BRD8: variants seen among roughly 807,000 people sequenced by gnomAD.
BRD8 encodes the protein bromodomain-containing protein 8.
Under a neutral mutation model 143.1 loss-of-function variants are expected in BRD8, and 67 were observed. The observed-to-expected ratio is 0.47, with a 90% confidence interval of 0.38 to 0.57. The LOEUF is 0.57. BRD8 is among the 20% of genes least tolerant of loss of function. The probability of loss-of-function intolerance (pLI) is 0.00; values close to 1 mark genes in which losing one functional copy is unlikely to be tolerated. For synonymous variants in BRD8, 505 were observed against 517.1 expected, an observed-to-expected ratio of 0.98 and a Z score of 0.32; for missense variants, 1,103 against 1,503.0, an observed-to-expected ratio of 0.73 and a Z score of 4.40.
intron 8 of BRD8, chr5:138,168,680 G>A (rs748967043): frequency 1.8e-5 from 29 of 1,570,326 alleles, no homozygotes; most frequent in Admixed American, 1.8e-4. Flanking sequence ...GCAAAGTCCC[G>A]GGGGTTACCT....
intron 25 of BRD8, 51 bp downstream of exon 25, chr5:138,145,126 A>G (rs1362225421): frequency 6.6e-7 from 1 of 1,520,472 alleles, no homozygotes; most frequent in Admixed American, 2.0e-5. Flanking sequence ...ATAAAAAATG[A>G]AAAGGCAGAT....
chr5:138,172,222 T>G (rs1000565412), intron 2 of BRD8, 88 bp from the exon 3 acceptor site: 17 of 1,143,620 alleles, frequency 1.5e-5, no homozygotes, highest in Non-Finnish European at 1.9e-5. Flanking sequence ...GTTCAAACTT[T>G]GGAATAAAAA....
chr5:138,164,210 G>A, intron 13 of BRD8, 77 bp from the exon 14 acceptor site: 1 of 1,580,856 alleles, frequency 6.3e-7, no homozygotes, highest in Non-Finnish European at 8.7e-7. Flanking sequence ...ATCCCCTGCA[G>A]CTCTCCTTTA....
intron 19 of BRD8, 24 bp from the exon 20 acceptor site, chr5:138,159,623 GA>G: frequency 1.9e-6 from 3 of 1,612,716 alleles, no homozygotes; most frequent in Non-Finnish European, 2.5e-6. Flanking sequence ...AACAAACACT[GA>G]TCAGGTTCCA....
Position 138,164,976 on chromosome 5 carries a change from G to C in BRD8, c.1469C>G (p.Thr490Arg). The C allele has an allele frequency of 6.2e-7, 1 of 1,613,962 alleles. No homozygotes were observed. Among genetic ancestry groups the C allele is most frequent in the South Asian group, 1.1e-5 (1 of 91,066 alleles). ...CAGTTCATGTATTCCCTTGTTTTCC[G>C]TTTCCTCAAAGTCCAGTCTCTCTTG... ...VKQERLDFEE[T>R]ENKGIHELVD... Residue 490 changes from threonine to arginine, a missense_variant, in exon 12 of 27, where the codon ACG (threonine) becomes AGG (arginine). Transcript: ENST00000254900.
At chr5:138,166,473 A>C (rs925215565) in intron 10 of BRD8, 45 bp downstream of exon 10, 1 of 1,348,696 alleles carries the variant, frequency 7.4e-7, no homozygotes, top group Non-Finnish European at 1.0e-6. Flanking sequence ...CTCTAACTAA[A>C]GCTCAAAATG....
chr5:138,145,384 C>A, intron 24 of BRD8, 139 bp from the exon 25 acceptor site: 1 of 667,222 alleles, frequency 1.5e-6, no homozygotes, highest in South Asian at 2.3e-5. Flanking sequence ...TATTTGTTCC[C>A]TCTTGCCAGA....
At chr5:138,144,916 AAAAT>A (rs369432267) in intron 25 of BRD8, among the ~76,000 whole-genome samples, 175 of 135,248 alleles carry the variant, frequency 1.3e-3, no homozygotes, top group East Asian at 0.012. Context: ...AAAAAAAAAA[AAAAT>A]ATATATATAT....
At chr5:138,169,886 G>A (rs1222773005) in intron 7 of BRD8, among the ~76,000 whole-genome samples, 4 of 152,188 alleles carry the variant, frequency 2.6e-5, no homozygotes, top group Non-Finnish European at 2.9e-5. Context: ...TTGAACCCGC[G>A]AGGCGGAGGT....
At chr5:138,152,356 A>C in intron 21 of BRD8, 126 bp downstream of exon 21, 9 of 1,312,102 alleles carry the variant, frequency 6.9e-6, no homozygotes, top group Non-Finnish European at 9.4e-6. Flanking sequence ...CAATGAACTT[A>C]ATCCCTGCCA....
chr5:138,161,736 A>G, intron 17 of BRD8, 60 bp downstream of exon 17: 1 of 1,550,012 alleles, frequency 6.5e-7, no homozygotes, highest in Non-Finnish European at 8.8e-7. Context: ...GCAAAACTTC[A>G]CTAAGACTGG....
chr5:138,144,744 A>T (rs1431445366), intron 25 of BRD8, among the ~76,000 whole-genome samples: 1 of 151,978 alleles, frequency 6.6e-6, no homozygotes, highest in Non-Finnish European at 1.5e-5. Context: ...TCTACAAAAA[A>T]TACAAATATT....
At chr5:138,154,294 T>C (rs2151188038) in intron 20 of BRD8, among the ~76,000 whole-genome samples, 1 of 152,322 alleles carries the variant, frequency 6.6e-6, no homozygotes, top group Non-Finnish European at 1.5e-5. Flanking sequence ...CCTTATTCCT[T>C]AGTATAATCC....
chr5:138,147,929 T>A (rs1381990785), intron 23 of BRD8, among the ~76,000 whole-genome samples: 1 of 150,788 alleles, frequency 6.6e-6, no homozygotes, highest in Admixed American at 6.6e-5. Flanking sequence ...CAGAGTGAGA[T>A]CCTATCTCAA....
At chr5:138,156,074 T>C (rs964237738) in intron 20 of BRD8, among the ~76,000 whole-genome samples, 3 of 151,400 alleles carry the variant, frequency 2.0e-5, no homozygotes, top group African/African-American at 7.3e-5. Flanking sequence ...TCTCACTTTG[T>C]TGTCCAGGCT....
Position 138,140,052 on chromosome 5 carries a change from A to G in BRD8, c.*22T>C, listed in dbSNP as rs758331664. The G allele has an allele frequency of 3.2e-6, 5 of 1,583,510 alleles. No homozygotes were observed. Among genetic ancestry groups the G allele is most frequent in the Admixed American group, 1.7e-5 (1 of 59,870 alleles). On this transcript the variant is annotated 3_prime_UTR_variant, in exon 27 of 27. Coordinates refer to ENST00000254900, the MANE Select transcript of BRD8 (RefSeq NM_139199.2). ...CCGGGAGAGATTCAAACTCTAGAAAAAGTCAGGATAGCAGCTCCAGGTTAG... is the reference window on the plus strand; with the variant it reads ...CCGGGAGAGATTCAAACTCTAGAAAGAGTCAGGATAGCAGCTCCAGGTTAG...
intron 10 of BRD8, 167 bp from the exon 11 acceptor site, chr5:138,166,275 G>A (rs1355888209): frequency 2.4e-5 from 15 of 637,690 alleles, no homozygotes; most frequent in Admixed American, 8.7e-5. Context: ...TATCTAGAAA[G>A]GTGAGAACAT....
intron 9 of BRD8, 36 bp downstream of exon 9, chr5:138,167,898 A>T: frequency 6.3e-7 from 1 of 1,593,824 alleles, no homozygotes; most frequent in Non-Finnish European, 8.6e-7. Flanking sequence ...CAAGTTCAAC[A>T]CCTTTGAGGT....
In BRD8 at chr5:138,145,187, C is replaced by T. The variant is rs770765085; in HGVS notation, c.3427G>A (p.Val1143Met). 1.2e-6 allele frequency: 2 copies of T among 1,613,384 alleles called. No homozygotes were observed. The highest frequency in any genetic ancestry group is 1.7e-6 in the Non-Finnish European group (2 of 1,179,732). ...SERQAPGYKDVVKRPMDLTSL... is the reference protein window; with the variant it reads ...SERQAPGYKDMVKRPMDLTSL... Reference sequence around the variant, plus strand: ...CCCTTTTTCACTGACCTTTTCACCACATCCTTGTACCCTGGGGCCTGCCTT... The same window carrying T: ...CCCTTTTTCACTGACCTTTTCACCATATCCTTGTACCCTGGGGCCTGCCTT... Residue 1143 changes from valine to methionine, a missense_variant, in exon 25 of 27, where the codon GTG becomes ATG. Val to Met is a conservative substitution (Grantham distance 21). Around this residue, in one of 7 missense-constraint regions of BRD8, gnomAD observed 369 missense variants for 445.5 expected, o/e 0.83. Transcript: ENST00000254900.
Sources: allele counts gnomAD v4.1 joint callset (sites outside exome capture counted in the v4.1 genomes callset), GRCh38; gene constraint gnomAD v4.1.1; regional missense constraint gnomAD v4.1.1; transcripts MANE v1.5; gene names NCBI Gene and HGNC (gene_info 2026-07-23, HGNC 2026-07-21).